The following ARFIP1 variants were observed in gnomAD, a reference collection of about 807,000 sequenced individuals.
ARFIP1 encodes the protein ARF interacting protein 1.
ARFIP1 carries 24 observed loss-of-function variants against 42.5 expected under a neutral mutation model. The observed-to-expected ratio is 0.57, with a 90% CI of 0.41 to 0.80. The LOEUF is 0.80. ARFIP1 is among the 30% of genes least tolerant of loss of function. The probability of loss-of-function intolerance (pLI) is 0.00; values close to 1 mark genes in which losing one functional copy is unlikely to be tolerated. For synonymous variants in ARFIP1, 141 were observed against 153.7 expected (o/e 0.92, Z 0.61); for missense variants, 354 against 434.0 (o/e 0.82, Z 1.64).
intron 2 of ARFIP1, among the ~76,000 whole-genome samples, chr4:152,839,664 C>T (rs1316386115): frequency 6.6e-6 from 1 of 152,074 alleles, no homozygotes; most frequent in East Asian, 1.9e-4. Context: ...TTTGAATTTT[C>T]TCTCTTCTTT....
intron 1 of ARFIP1, among the ~76,000 whole-genome samples, chr4:152,805,693 A>G (rs969476554): frequency 4.6e-5 from 7 of 152,238 alleles, no homozygotes; most frequent in African/African-American, 1.7e-4. Context: ...GTAACTGAAT[A>G]TAGCACTCAT....
intron 1 of ARFIP1, among the ~76,000 whole-genome samples, chr4:152,818,775 T>A (rs1025282182): frequency 6.6e-6 from 1 of 152,174 alleles, no homozygotes; most frequent in African/African-American, 2.4e-5. Context: ...AGGTGGCTGC[T>A]GCTAGCAGAA....
intron 5 of ARFIP1, among the ~76,000 whole-genome samples, chr4:152,875,499 T>C (rs1735258877): frequency 6.7e-6 from 1 of 149,236 alleles, no homozygotes; most frequent in South Asian, 2.2e-4. Context: ...CACACCCTTA[T>C]CAAGTTAACC....
Position 152,870,138 on chromosome 4 carries a change from G to T in ARFIP1, c.203-615G>T, listed in dbSNP as rs537838938. ...TTTGGGTTCAGTAGGTCTGGGCAGG[G>T]TCTGAGATTTTGCATTTCTAACAAG... is the stretch of plus-strand genomic sequence containing the variant. On this transcript the variant is annotated intron_variant, in intron 3 of 8. Transcript: ENST00000353617. 6.6e-5 allele frequency among the ~76,000 whole-genome samples: 10 copies of T among 152,302 alleles called. No homozygotes were observed. In the South Asian group the frequency reaches 2.1e-3, roughly 32 times the overall value.
At chr4:152,833,005 A>G (rs975547204) in intron 2 of ARFIP1, among the ~76,000 whole-genome samples, 1 of 152,156 alleles carries the variant, frequency 6.6e-6, no homozygotes, top group East Asian at 1.9e-4. Flanking sequence ...TTTTGATATG[A>G]TGTCAAAAGC....
chr4:152,796,561 C>T, intron 1 of ARFIP1: 1 of 790,578 alleles, frequency 1.3e-6, no homozygotes, highest in Non-Finnish European at 2.3e-6. Context: ...GATTGTCTCT[C>T]TGTCCTGCTG....
chr4:152,785,018 A>G (rs572755943), intron 1 of ARFIP1, among the ~76,000 whole-genome samples: 1 of 152,308 alleles, frequency 6.6e-6, no homozygotes, highest in African/African-American at 2.4e-5. Context: ...CGCCAACTCC[A>G]GTTTCTGCTA....
chr4:152,899,200 C>T (rs773367890), intron 8 of ARFIP1, among the ~76,000 whole-genome samples: 2 of 152,068 alleles, frequency 1.3e-5, no homozygotes, highest in Non-Finnish European at 2.9e-5. Context: ...TTGTGAGTAC[C>T]TCAAGGGACA....
At chr4:152,856,328 ACC>A (rs1733432499) in intron 2 of ARFIP1, among the ~76,000 whole-genome samples, 1 of 152,212 alleles carries the variant, frequency 6.6e-6, no homozygotes, top group Non-Finnish European at 1.5e-5. Context: ...ACCATTCTGG[ACC>A]TACACAGTCA....
intron 7 of ARFIP1, among the ~76,000 whole-genome samples, chr4:152,884,459 T>C (rs1736108236): frequency 6.6e-6 from 1 of 152,022 alleles, no homozygotes; most frequent in African/African-American, 2.4e-5. Flanking sequence ...CTTTTATCTC[T>C]AATCATTTTA....
intron 1 of ARFIP1, among the ~76,000 whole-genome samples, chr4:152,827,629 C>T (rs1384107215): frequency 6.6e-6 from 1 of 152,128 alleles, no homozygotes; most frequent in East Asian, 1.9e-4. Context: ...TTACCCTTTC[C>T]AGAACATCAT....
At chr4:152,804,506 T>TATA (rs1728854402) in intron 1 of ARFIP1, among the ~76,000 whole-genome samples, 4 of 128,986 alleles carry the variant, frequency 3.1e-5, no homozygotes, top group Non-Finnish European at 6.3e-5. Flanking sequence ...ATATAATATA[T>TATA]ATATATATAT....
intron 8 of ARFIP1, among the ~76,000 whole-genome samples, chr4:152,905,614 G>A (rs1028865713): frequency 7.4e-6 from 1 of 135,392 alleles, no homozygotes; most frequent in African/African-American, 2.8e-5. Context: ...GTGCAGTGGC[G>A]CGATACGGGC....
At position 152,860,667 on chromosome 4, in the gene ARFIP1, A is replaced by G. The variant is rs139063233; in HGVS notation, c.94-2939A>G. ...TGATGAAATCCCAGGTTTGAGAACTACAGGATAAAGGAGCCATTCCCAGAC... is the reference window on the plus strand; with the variant it reads ...TGATGAAATCCCAGGTTTGAGAACTGCAGGATAAAGGAGCCATTCCCAGAC... On this transcript the variant is annotated intron_variant, in intron 2 of 8. Coordinates refer to ENST00000353617, the MANE Select transcript of ARFIP1 (RefSeq NM_001025595.3). Among the ~76,000 whole-genome samples the G allele has an allele frequency of 8.2e-4, 125 of 152,336 alleles. 6 individuals are homozygous for G. The East Asian group carries it at 0.021, about 26-fold the overall frequency.
At chr4:152,796,540 C>T (rs537159931) in intron 1 of ARFIP1, 5 of 776,702 alleles carry the variant, frequency 6.4e-6, no homozygotes, top group South Asian at 1.4e-5. Flanking sequence ...TTGGAAAGTA[C>T]TTTAGCTCGA....
chr4:152,816,576 T>C (rs112379192), intron 1 of ARFIP1, among the ~76,000 whole-genome samples: 3,983 of 152,380 alleles, frequency 0.026, 76 homozygotes, highest in Non-Finnish European at 0.041. Context: ...TGAACACATA[T>C]ACACATACAT....
Position 152,898,875 on chromosome 4 carries a change from C to T in ARFIP1, c.966+10568C>T, listed in dbSNP as rs56049145. On this transcript the variant is annotated intron_variant, in intron 8 of 8. Coordinates refer to ENST00000353617, the MANE Select transcript of ARFIP1 (RefSeq NM_001025595.3). ...TGTTCCCTTCTTGAAGCACAGCATACTATTACTACTTACAGGCTTTTTGAA... is the reference window on the plus strand; with the variant it reads ...TGTTCCCTTCTTGAAGCACAGCATATTATTACTACTTACAGGCTTTTTGAA... 4.3e-3 allele frequency among the ~76,000 whole-genome samples: 650 copies of T among 152,314 alleles called. 4 individuals are homozygous for T. The highest frequency in any genetic ancestry group is 0.015 in the African/African-American group (608 of 41,562).
chr4:152,849,404 C>G (rs1325301100), intron 2 of ARFIP1, among the ~76,000 whole-genome samples: 1 of 151,910 alleles, frequency 6.6e-6, no homozygotes, highest in African/African-American at 2.4e-5. Flanking sequence ...AGGAATATGT[C>G]GTTTTTAAAT....
intron 1 of ARFIP1, among the ~76,000 whole-genome samples, chr4:152,785,335 A>G (rs1210852433): frequency 6.6e-6 from 1 of 152,222 alleles, no homozygotes; most frequent in Non-Finnish European, 1.5e-5. Context: ...TCACCACATT[A>G]GAAATAAAGA....
Sources: allele counts gnomAD v4.1 joint callset (sites outside exome capture counted in the v4.1 genomes callset), GRCh38; gene constraint gnomAD v4.1.1; transcripts MANE v1.5; gene names NCBI Gene and HGNC (gene_info 2026-07-23, HGNC 2026-07-21).